The following MAD1L1 variants were observed in gnomAD, a reference collection of about 807,000 sequenced individuals.
The protein encoded by MAD1L1 is mitotic spindle assembly checkpoint protein MAD1.
Under a neutral mutation model 96.9 loss-of-function variants are expected in MAD1L1, and 95 were observed. The ratio of observed to expected loss-of-function variants is 0.98; its 90% CI spans 0.83 to 1.16. The LOEUF (loss-of-function observed/expected upper bound fraction) is 1.16. Among genes scored for constraint, MAD1L1 ranks in the 50% most tolerant of loss-of-function variants. The pLI, the probability that MAD1L1 is intolerant of heterozygous loss-of-function variation, is 0.00. For missense variants in MAD1L1, 1,007 were observed against 954.4 expected (o/e 1.06, Z -0.73); for synonymous variants, 473 against 396.6 (o/e 1.19, Z -2.29).
intron 11 of MAD1L1, among the ~76,000 whole-genome samples, chr7:2,130,877 G>A (rs923476646): frequency 5.9e-5 from 9 of 152,218 alleles, no homozygotes; most frequent in Admixed American, 1.3e-4. Flanking sequence ...GAAAGATAAA[G>A]GCCACCGCAT....
At chr7:1,863,308 G>A (rs895814046) in intron 18 of MAD1L1, among the ~76,000 whole-genome samples, 4 of 152,274 alleles carry the variant, frequency 2.6e-5, no homozygotes, top group Non-Finnish European at 5.9e-5. Context: ...ATCTAGTTAG[G>A]CACTGGTGAG....
chr7:2,086,039 C>T (rs1334799378), intron 11 of MAD1L1, among the ~76,000 whole-genome samples: 1 of 152,208 alleles, frequency 6.6e-6, no homozygotes, highest in African/African-American at 2.4e-5. Flanking sequence ...CACCTACCCC[C>T]AGGAATCCCA....
chr7:1,939,120 GCA>G (rs1262752486), intron 16 of MAD1L1, among the ~76,000 whole-genome samples: 3 of 111,664 alleles, frequency 2.7e-5, no homozygotes, highest in South Asian at 3.2e-4. Flanking sequence ...CCAGAGGCGC[GCA>G]CACACACACG....
At chr7:1,885,982 C>T (rs1351405031) in intron 18 of MAD1L1, among the ~76,000 whole-genome samples, 1 of 152,268 alleles carries the variant, frequency 6.6e-6, no homozygotes, top group East Asian at 1.9e-4. Flanking sequence ...GCTCTGCCTC[C>T]TCTCCTCCAC....
At chr7:1,890,495 G>T (rs1161032385) in intron 18 of MAD1L1, among the ~76,000 whole-genome samples, 2 of 152,220 alleles carry the variant, frequency 1.3e-5, no homozygotes, top group Non-Finnish European at 2.9e-5. Context: ...CTCACCAGGT[G>T]CACACGTGCC....
intron 18 of MAD1L1, among the ~76,000 whole-genome samples, chr7:1,878,734 C>G (rs905199115): frequency 6.6e-5 from 4 of 60,666 alleles, no homozygotes; most frequent in Non-Finnish European, 1.7e-4. Flanking sequence ...AAAAATGTCC[C>G]CCCCCCCCCA....
At chr7:1,870,004 C>A (rs1293956480) in intron 18 of MAD1L1, among the ~76,000 whole-genome samples, 1 of 152,180 alleles carries the variant, frequency 6.6e-6, no homozygotes, top group Non-Finnish European at 1.5e-5. Flanking sequence ...CCCTGCCGTG[C>A]CAACCCGGAG....
chr7:1,847,659 T>TC (rs1783713405), intron 18 of MAD1L1: 1 of 470,650 alleles, frequency 2.1e-6, no homozygotes, highest in Non-Finnish European at 4.4e-6. Context: ...TCGGCCCATC[T>TC]CCCAAAGCCT....
intron 11 of MAD1L1, among the ~76,000 whole-genome samples, chr7:2,139,798 C>T (rs1055929495): frequency 6.6e-6 from 1 of 152,168 alleles, no homozygotes; most frequent in Non-Finnish European, 1.5e-5. Flanking sequence ...ACACTTCCCC[C>T]GACCCTCAAG....
At chr7:2,026,351 A>T (rs1181930595) in intron 12 of MAD1L1, among the ~76,000 whole-genome samples, 1 of 152,246 alleles carries the variant, frequency 6.6e-6, no homozygotes, top group East Asian at 1.9e-4. Flanking sequence ...AGAAATAGAC[A>T]AAACTCACAA....
chr7:1,892,545 A>G (rs769113397), intron 18 of MAD1L1, among the ~76,000 whole-genome samples: 2 of 152,242 alleles, frequency 1.3e-5, no homozygotes, highest in Non-Finnish European at 2.9e-5. Flanking sequence ...CTGGTATCGG[A>G]AACGCTCCAT....
intron 17 of MAD1L1, among the ~76,000 whole-genome samples, chr7:1,917,522 G>A (rs534314746): frequency 3.3e-5 from 5 of 152,394 alleles, no homozygotes; most frequent in African/African-American, 9.6e-5. Flanking sequence ...CCTGTTGGAT[G>A]TGTCAGGCAC....
chr7:1,879,684 G>A (rs567242390), intron 18 of MAD1L1, among the ~76,000 whole-genome samples: 1 of 152,312 alleles, frequency 6.6e-6, no homozygotes, highest in East Asian at 1.9e-4. Flanking sequence ...AGCAGCACAA[G>A]GTCACCTGAA....
chr7:2,155,864 A>G (rs538581830), intron 10 of MAD1L1, among the ~76,000 whole-genome samples: 5 of 152,250 alleles, frequency 3.3e-5, no homozygotes, highest in African/African-American at 1.2e-4. Flanking sequence ...TTTTCCGAGA[A>G]CCACCACAGG....
At chr7:1,988,061 A>T (rs1781238389) in intron 14 of MAD1L1, among the ~76,000 whole-genome samples, 1 of 152,226 alleles carries the variant, frequency 6.6e-6, no homozygotes, top group Non-Finnish European at 1.5e-5. Context: ...ATGAGAGGCG[A>T]GGAGCGGCAG....
At chr7:2,170,794 C>G (rs1022321381) in intron 10 of MAD1L1, among the ~76,000 whole-genome samples, 3 of 152,062 alleles carry the variant, frequency 2.0e-5, no homozygotes, top group Non-Finnish European at 4.4e-5. Context: ...ACAGGAAAGG[C>G]GACACAGGCT....
intron 10 of MAD1L1, among the ~76,000 whole-genome samples, chr7:2,154,793 GA>G (rs1303713630): frequency 1.3e-5 from 2 of 152,152 alleles, no homozygotes; most frequent in Non-Finnish European, 2.9e-5. Context: ...GGACATTTCT[GA>G]GGCCACAAAG....
At position 2,103,856 on chromosome 7, in the gene MAD1L1, G is replaced by C. The variant is rs942109583; in HGVS notation, c.1074-34518C>G. 6.6e-6 allele frequency among the ~76,000 whole-genome samples: 1 copy of C among 152,208 alleles called. No homozygotes were observed. Among genetic ancestry groups the C allele is most frequent in the Admixed American group, 6.5e-5 (1 of 15,290 alleles). On this transcript the variant is annotated intron_variant, in intron 11 of 18. Transcript: ENST00000265854. The surrounding 1 kb of genome is among the most constrained non-coding windows in gnomAD (Gnocchi z 4.3). ...TGTCCGGACTCTGGAGATGGGGTGG[G>C]AAAAGGCAAGGAATGCGGGGAGACC...
At chr7:1,841,827 G>A (rs1346146353) in intron 18 of MAD1L1, among the ~76,000 whole-genome samples, 1 of 152,228 alleles carries the variant, frequency 6.6e-6, no homozygotes. Context: ...CTGGGCGGGT[G>A]CCTCGCTTCT....
Sources: gnomAD v4.1 joint callset for allele counts (sites outside exome capture counted in the v4.1 genomes callset) on GRCh38, gnomAD v4.1.1 for gene constraint, Gnocchi (gnomAD v3.1) non-coding constraint, MANE v1.5 for transcripts, NCBI Gene and HGNC (gene_info 2026-07-23, HGNC 2026-07-21) for gene names.